SORL1: variants seen among roughly 807,000 people sequenced by gnomAD.
SORL1 encodes sortilin-related receptor.
SORL1 carries 127 observed loss-of-function variants against 273.7 expected under a neutral mutation model. The observed-to-expected ratio is 0.46, with a 90% CI of 0.40 to 0.54. The LOEUF (loss-of-function observed/expected upper bound fraction) is 0.54, where lower values mean the gene tolerates loss of function less well. Among genes scored for constraint, SORL1 ranks in the 20% least tolerant of loss-of-function variants. SORL1 has a pLI of 0.00. For missense variants in SORL1, 2,494 were observed against 2,846.1 expected (o/e 0.88, Z 2.81); for synonymous variants, 1,031 against 1,067.4 (o/e 0.97, Z 0.66).
chr11:121,623,319 G>A (rs949618254), intron 45 of SORL1, among the ~76,000 whole-genome samples: 1 of 152,196 alleles, frequency 6.6e-6, no homozygotes, highest in Admixed American at 6.5e-5. Context: ...GGAAGTAAAC[G>A]TTCTGGGAAT....
chr11:121,532,439 G>T, intron 11 of SORL1, 25 bp from the exon 12 acceptor site: 1 of 1,609,496 alleles, frequency 6.2e-7, no homozygotes, highest in South Asian at 1.1e-5. Context: ...CAGCAGTGGT[G>T]TCACCATGGA....
At chr11:121,583,074 C>T (rs76490923) in intron 25 of SORL1, among the ~76,000 whole-genome samples, 4,200 of 152,296 alleles carry the variant, frequency 0.028, 158 homozygotes, top group East Asian at 0.21. Flanking sequence ...AGAAGAAGTG[C>T]AGGCTTGGGC....
chr11:121,581,161 C>T (rs922033748), intron 25 of SORL1, among the ~76,000 whole-genome samples: 3 of 152,146 alleles, frequency 2.0e-5, no homozygotes, highest in African/African-American at 4.8e-5. Context: ...GATCCACCCT[C>T]CTCGGCCTCC....
Position 121,588,012 on chromosome 11 carries a change from C to T in SORL1, c.3815-8C>T. 3 of 1,612,530 alleles carry T rather than the reference C, an allele frequency of 1.9e-6. No homozygotes were observed. Among genetic ancestry groups the T allele is most frequent in the Non-Finnish European group, 2.5e-6 (3 of 1,179,056 alleles). The stretch of plus-strand genomic sequence containing the variant: ...CATGGCCTCTTCCCTTCTCTGGATC[C>T]CTTACAGAGCCCCTCTGTACGCACT... On this transcript the variant is annotated splice_polypyrimidine_tract_variant and splice_region_variant and intron_variant, in intron 27 of 47. Coordinates refer to ENST00000260197, the MANE Select transcript of SORL1 (RefSeq NM_003105.6).
chr11:121,545,079 AG>A (rs1447242648), intron 13 of SORL1, among the ~76,000 whole-genome samples, 163 bp from the exon 14 acceptor site: 1 of 152,178 alleles, frequency 6.6e-6, no homozygotes, highest in African/African-American at 2.4e-5. Context: ...TCATTGGCAT[AG>A]GGCTGCCCAG....
chr11:121,452,897 A>G lies in SORL1; in HGVS notation c.285+281A>G. 1 of 371,152 alleles carries G rather than the reference A, an allele frequency of 2.7e-6. No homozygotes were observed. Among genetic ancestry groups the G allele is most frequent in the Non-Finnish European group, 4.8e-6 (1 of 207,422 alleles). 23.0% of individuals were successfully genotyped at this position (371,152 alleles called of 1,614,324 possible). A position where few individuals can be genotyped will look rare whatever the true frequency, so the allele number is the denominator to read the frequency against. ...GAGAGATGTAGTTTCCGGCAGGTAT[A>G]GGAGGGGTGCAGCTTCATTTTACAT... is the stretch of plus-strand genomic sequence containing the variant. On this transcript the variant is annotated intron_variant, in intron 1 of 47. Transcript: ENST00000260197. This position sits in a 1 kb window ranked among gnomAD's most constrained non-coding sequence, Gnocchi z 5.3.
At chr11:121,520,633 T>C in intron 8 of SORL1, 24 bp from the exon 9 acceptor site, 1 of 1,498,690 alleles carries the variant, frequency 6.7e-7, no homozygotes, top group South Asian at 1.3e-5. Context: ...TTCAGGTTCA[T>C]AGCTGTTTAT....
intron 21 of SORL1, chr11:121,566,614 A>G (rs551205523): frequency 1.5e-5 from 4 of 258,880 alleles, no homozygotes; most frequent in Non-Finnish European, 3.0e-5. Context: ...TTCAACACCC[A>G]TGCTCTGTGA....
In SORL1 at chr11:121,475,965, A is replaced by G. The variant is rs368701462; in HGVS notation, c.403-2153A>G. On this transcript the variant is annotated intron_variant, in intron 2 of 47. Coordinates refer to ENST00000260197, the MANE Select transcript of SORL1 (RefSeq NM_003105.6). The stretch of plus-strand genomic sequence containing the variant: ...TGAGCACCTGCTATGCCCCAGGTAC[A>G]CTGAAAGAGACAAAGGTGAGACTAA... Among the ~76,000 whole-genome samples, 19 of 152,374 alleles carry G rather than the reference A, an allele frequency of 1.2e-4. No homozygotes were observed. The South Asian group carries it at 2.1e-3, about 17-fold the overall frequency.
chr11:121,585,702 T>A (rs1863092176), intron 26 of SORL1, among the ~76,000 whole-genome samples: 1 of 152,234 alleles, frequency 6.6e-6, no homozygotes, highest in Non-Finnish European at 1.5e-5. Flanking sequence ...AATTTAAGTA[T>A]ACTCTGTATT....
Position 121,567,104 on chromosome 11 carries a change from G to A in SORL1, c.3214G>A (p.Val1072Ile). ...CTATCAGCTCAAGAACAATACCTGTGTCAAACAAGGTACTTCCCTTTTTCT... is the reference window on the plus strand; with the variant it reads ...CTATCAGCTCAAGAACAATACCTGTATCAAACAAGGTACTTCCCTTTTTCT... ...QGYQLKNNTC[V>I]KQENTCLRNQ... Residue 1072 changes from valine (V) to isoleucine (I), a missense_variant, in exon 22 of 48, where the codon GTC becomes ATC. Around this residue, in one of 3 missense-constraint regions of SORL1, gnomAD observed 1,609 missense variants for 1,816.4 expected, o/e 0.89. Coordinates refer to ENST00000260197, the MANE Select transcript of SORL1 (RefSeq NM_003105.6). 1 of 1,611,770 alleles carries A rather than the reference G, an allele frequency of 6.2e-7. No individual in the cohort carries two copies. Among genetic ancestry groups the A allele is most frequent in the Non-Finnish European group, 8.5e-7 (1 of 1,179,098 alleles).
chr11:121,595,113 G>C lies in SORL1; in HGVS notation c.4370-510G>C, dbSNP rs1365226748. 6.6e-6 allele frequency among the ~76,000 whole-genome samples: 1 copy of C among 152,196 alleles called. No homozygotes were observed. Among genetic ancestry groups the C allele is most frequent in the Non-Finnish European group, 1.5e-5 (1 of 68,036 alleles). On this transcript the variant is annotated intron_variant, in intron 31 of 47. Transcript: ENST00000260197. The surrounding 1 kb of genome is among the most constrained non-coding windows in gnomAD (Gnocchi z 5.1). The stretch of plus-strand genomic sequence containing the variant: ...CCCTCCATTCTTCTATTGGGGTGAC[G>C]TATGGGTTGGTTGCCTCGTGGGACT...
intron 32 of SORL1, among the ~76,000 whole-genome samples, chr11:121,601,709 C>T (rs563416774): frequency 1.2e-4 from 19 of 152,024 alleles, no homozygotes; most frequent in Non-Finnish European, 2.4e-4. Flanking sequence ...CACTACCGCA[C>T]CCAGCTTACT....
chr11:121,553,577 G>A (rs1340019759), intron 16 of SORL1, among the ~76,000 whole-genome samples: 1 of 152,182 alleles, frequency 6.6e-6, no homozygotes, highest in African/African-American at 2.4e-5. Flanking sequence ...ACGTGAGGAG[G>A]GAGAACAGGG....
At chr11:121,458,169 T>G (rs1345845191) in intron 1 of SORL1, among the ~76,000 whole-genome samples, 1 of 152,236 alleles carries the variant, frequency 6.6e-6, no homozygotes, top group Non-Finnish European at 1.5e-5. Flanking sequence ...TAGTCTTTTT[T>G]TTAAAGCATT....
At chr11:121,524,959 T>A (rs903806124) in intron 11 of SORL1, among the ~76,000 whole-genome samples, 9 of 152,202 alleles carry the variant, frequency 5.9e-5, no homozygotes, top group Admixed American at 1.3e-4. Flanking sequence ...TTTTTAGCTT[T>A]TTTCTGTAAC....
intron 6 of SORL1, among the ~76,000 whole-genome samples, chr11:121,508,793 C>T (rs528514119): frequency 3.3e-4 from 50 of 152,316 alleles, no homozygotes; most frequent in African/African-American, 1.2e-3. Context: ...TGGATTTTTG[C>T]AACCCTTTAT....
intron 35 of SORL1, among the ~76,000 whole-genome samples, chr11:121,605,789 C>G (rs914330900): frequency 3.9e-5 from 6 of 152,250 alleles, no homozygotes; most frequent in Non-Finnish European, 7.3e-5. Flanking sequence ...TTAAGATTCT[C>G]TCCACCATTG....
Position 121,488,152 on chromosome 11 carries a change from A to G in SORL1, c.649A>G (p.Asn217Asp). The G allele has an allele frequency of 6.2e-7, 1 of 1,614,076 alleles. No homozygotes were observed. Among genetic ancestry groups the G allele is most frequent in the Non-Finnish European group, 8.5e-7 (1 of 1,180,022 alleles). Residue 217 changes from asparagine to aspartate, a missense_variant, in exon 4 of 48, where the codon AAC becomes GAC. Asn to Asp is a conservative substitution (Grantham distance 23, BLOSUM62 1). Transcript: ENST00000260197. Reference protein sequence around the residue: ...ADLLLHSKASNLLLGFDRSHP... With the variant: ...ADLLLHSKASDLLLGFDRSHP... ...TCTCCTCCTACACAGTAAGGCCTCC[A>G]ACCTTCTCTTGGGCTTTGACAGGTC... is the stretch of plus-strand genomic sequence containing the variant.
Sources: allele counts gnomAD v4.1 joint callset (sites outside exome capture counted in the v4.1 genomes callset), GRCh38; gene constraint gnomAD v4.1.1; regional missense constraint gnomAD v4.1.1; non-coding constraint Gnocchi (gnomAD v3.1); transcripts MANE v1.5; gene names NCBI Gene and HGNC (gene_info 2026-07-23, HGNC 2026-07-21).